The following PDE11A variants were observed in gnomAD, a reference collection of about 807,000 sequenced individuals.
PDE11A encodes the protein phosphodiesterase 11A.
In PDE11A, 100 loss-of-function variants were observed where a neutral mutation model predicts 100.5. The observed-to-expected ratio is 1.00, with a 90% CI of 0.85 to 1.18. PDE11A has a LOEUF of 1.18. Among genes scored for constraint, PDE11A ranks in the 50% most tolerant of loss-of-function variants. The probability of loss-of-function intolerance (pLI) is 0.00; values close to 1 mark genes in which losing one functional copy is unlikely to be tolerated. For synonymous variants in PDE11A, 381 were observed against 420.8 expected (o/e 0.91, Z 1.16); for missense variants, 1,141 against 1,152.6 (o/e 0.99, Z 0.15).
At chr2:177,682,661 C>T (rs1203172266) in intron 15 of PDE11A, among the ~76,000 whole-genome samples, 2 of 152,186 alleles carry the variant, frequency 1.3e-5, no homozygotes, top group African/African-American at 4.8e-5. Flanking sequence ...TTTAAGAGAT[C>T]CTAACACACC....
At chr2:177,698,265 A>G (rs2081145508) in intron 14 of PDE11A, among the ~76,000 whole-genome samples, 1 of 152,234 alleles carries the variant, frequency 6.6e-6, no homozygotes, top group African/African-American at 2.4e-5. Context: ...TTAGGATGAC[A>G]TCTTTATCCT....
chr2:177,652,513 A>G (rs1460172973), intron 19 of PDE11A, among the ~76,000 whole-genome samples: 2 of 152,068 alleles, frequency 1.3e-5, no homozygotes, highest in Non-Finnish European at 2.9e-5. Context: ...TTTTTCCTGT[A>G]GTAAGGGGGA....
At chr2:177,643,638 G>A (rs2080178263) in intron 19 of PDE11A, among the ~76,000 whole-genome samples, 1 of 152,220 alleles carries the variant, frequency 6.6e-6, no homozygotes, top group African/African-American at 2.4e-5. Context: ...GCCAGCTGCA[G>A]AAACTTGCAT....
At chr2:177,744,143 G>A (rs1405747032) in intron 10 of PDE11A, among the ~76,000 whole-genome samples, 1 of 152,156 alleles carries the variant, frequency 6.6e-6, no homozygotes, top group Non-Finnish European at 1.5e-5. Flanking sequence ...AAACCTTGAA[G>A]CTATAAAACA....
chr2:178,048,222 G>A (rs957982447), intron 1 of PDE11A, among the ~76,000 whole-genome samples: 3 of 152,118 alleles, frequency 2.0e-5, no homozygotes, highest in Admixed American at 6.6e-5. Context: ...ACCTTCTAAC[G>A]GATCTAATAT....
intron 1 of PDE11A, among the ~76,000 whole-genome samples, chr2:178,028,871 G>A (rs1263696562): frequency 6.6e-6 from 1 of 152,138 alleles, no homozygotes; most frequent in Non-Finnish European, 1.5e-5. Flanking sequence ...CCAGTAAAAT[G>A]AGCAATCAAT....
At chr2:177,879,948 G>A (rs1042370652) in intron 4 of PDE11A, among the ~76,000 whole-genome samples, 1 of 152,166 alleles carries the variant, frequency 6.6e-6, no homozygotes, top group African/African-American at 2.4e-5. Flanking sequence ...ACTTTTATTT[G>A]TTTTGTTTTC....
rs2079885375 is a variant in PDE11A, at chr2:177,629,495, C to T, written c.2714G>A (p.Trp905Ter). The T allele has an allele frequency of 6.2e-7, 1 of 1,613,824 alleles. No homozygotes were observed. Among genetic ancestry groups the T allele is most frequent in the Non-Finnish European group, 8.5e-7 (1 of 1,179,856 alleles). The change falls in exon 20 of 20, where the codon TGG becomes TAG. Residue 905 changes from tryptophan (W) to a stop codon, truncating the protein, a stop_gained. Transcript: ENST00000286063. LOFTEE classifies it low-confidence loss of function (END_TRUNC). Reference sequence around the variant, plus strand: ...CAGTCGTTTTTGGTGTAGCTCTTCCCACTTACTTCTGTTTGTAGCTACTGA... The same window carrying T: ...CAGTCGTTTTTGGTGTAGCTCTTCCTACTTACTTCTGTTTGTAGCTACTGA... ...LDSVATNRSK[W>*]EELHQKRLLA...
At chr2:178,003,820 C>T (rs1197431826) in intron 2 of PDE11A, among the ~76,000 whole-genome samples, 4 of 152,130 alleles carry the variant, frequency 2.6e-5, no homozygotes, top group Admixed American at 6.5e-5. Flanking sequence ...CTGCAGATAT[C>T]GGATCATTTT....
At chr2:178,020,362 T>C (rs1329606091) in intron 1 of PDE11A, among the ~76,000 whole-genome samples, 1 of 152,200 alleles carries the variant, frequency 6.6e-6, no homozygotes, top group South Asian at 2.1e-4. Flanking sequence ...TGCTACCCCA[T>C]TGCTAAAGCA....
At chr2:177,745,932 C>A (rs2081941867) in intron 10 of PDE11A, among the ~76,000 whole-genome samples, 1 of 152,146 alleles carries the variant, frequency 6.6e-6, no homozygotes, top group African/African-American at 2.4e-5. Context: ...GGTTGATAAC[C>A]ACCTGCCTGT....
At chr2:177,805,090 AAT>A (rs1553476779) in intron 9 of PDE11A, among the ~76,000 whole-genome samples, 8 of 134,624 alleles carry the variant, frequency 5.9e-5, no homozygotes, top group South Asian at 2.3e-4. Context: ...TTAATTAAAA[AAT>A]ATATATATAT....
chr2:177,857,733 G>A (rs2083866125), intron 5 of PDE11A, among the ~76,000 whole-genome samples: 1 of 151,898 alleles, frequency 6.6e-6, no homozygotes, highest in Admixed American at 6.6e-5. Context: ...CAATCAAAAG[G>A]CAGAGATCAG....
At chr2:178,096,894 GT>G (rs1056740027) in intron 2 of PDE11A, among the ~76,000 whole-genome samples, 13 of 148,800 alleles carry the variant, frequency 8.7e-5, no homozygotes, top group African/African-American at 1.2e-4. Context: ...GGCACATTTT[GT>G]TTTTTTTTTA....
At chr2:177,705,248 T>A (rs1188590862) in intron 13 of PDE11A, among the ~76,000 whole-genome samples, 2 of 151,474 alleles carry the variant, frequency 1.3e-5, no homozygotes, top group African/African-American at 4.8e-5. Context: ...AACCCTGAGA[T>A]CAATCACATA....
At chr2:177,649,064 A>G (rs1203808958) in intron 19 of PDE11A, among the ~76,000 whole-genome samples, 2 of 152,208 alleles carry the variant, frequency 1.3e-5, no homozygotes, top group Admixed American at 1.3e-4. Context: ...AATTGAAACT[A>G]TAATGAGATA....
intron 19 of PDE11A, among the ~76,000 whole-genome samples, chr2:177,647,301 A>C (rs1221580017): frequency 6.6e-6 from 1 of 152,206 alleles, no homozygotes; most frequent in Non-Finnish European, 1.5e-5. Flanking sequence ...TATTTCCCAC[A>C]TGCCTCAAGT....
intron 4 of PDE11A, among the ~76,000 whole-genome samples, chr2:177,892,384 G>A (rs943340328): frequency 6.6e-6 from 1 of 152,082 alleles, no homozygotes; most frequent in Non-Finnish European, 1.5e-5. Context: ...TGTTATATAT[G>A]TGGATTGAAT....
upstream of PDE11A, among the ~76,000 whole-genome samples, chr2:178,077,260 C>CTTTTTTTTTT (rs57259393): frequency 4.1e-5 from 4 of 98,646 alleles, no homozygotes; most frequent in Middle Eastern, 4.9e-3. Context: ...TTCTTTCTTT[C>CTTTTTTTTTT]TTTTTTTTTT....
Sources: gnomAD v4.1 joint callset for allele counts (sites outside exome capture counted in the v4.1 genomes callset) on GRCh38, gnomAD v4.1.1 for gene constraint, MANE v1.5 for transcripts, NCBI Gene and HGNC (gene_info 2026-07-23, HGNC 2026-07-21) for gene names.